Variants in OSBPL2 observed in about 807,000 individuals in gnomAD.
OSBPL2 encodes oxysterol binding protein like 2, also known as oxysterol-binding protein-related protein 2.
OSBPL2 carries 18 observed loss-of-function variants against 58.4 expected under a neutral mutation model. The observed-to-expected ratio is 0.31, with a 90% confidence interval of 0.21 to 0.46. OSBPL2 has a LOEUF of 0.46. Ranked by LOEUF, OSBPL2 falls within the 20% of genes least tolerant of loss-of-function variation. The pLI is 1.00. For missense variants in OSBPL2, 461 were observed against 616.5 expected, an observed-to-expected ratio of 0.75 and a Z score of 2.67; for synonymous variants, 221 against 234.1, an observed-to-expected ratio of 0.94 and a Z score of 0.51.
intron 11 of OSBPL2, among the ~76,000 whole-genome samples, chr20:62,287,694 A>C (rs1406371973): frequency 6.6e-6 from 1 of 152,172 alleles, no homozygotes; most frequent in African/African-American, 2.4e-5. Flanking sequence ...GGCCTCAAGC[A>C]TTATCTTCCT....
chr20:62,255,524 G>T (rs906318689), intron 1 of OSBPL2, among the ~76,000 whole-genome samples: 1 of 151,932 alleles, frequency 6.6e-6, no homozygotes, highest in Non-Finnish European at 1.5e-5. Context: ...TTTATTTCGA[G>T]ACAGAGTCTC....
chr20:62,279,035 G>C (rs1368825598), intron 6 of OSBPL2, 122 bp from the exon 7 acceptor site: 7 of 769,310 alleles, frequency 9.1e-6, no homozygotes, highest in African/African-American at 1.7e-5. Context: ...TCCGCCACAT[G>C]TTGTGGCATG....
intron 9 of OSBPL2, among the ~76,000 whole-genome samples, chr20:62,282,418 T>C (rs1048735171): frequency 6.6e-6 from 1 of 152,262 alleles, no homozygotes; most frequent in Non-Finnish European, 1.5e-5. Flanking sequence ...TTTGGGTTAA[T>C]TACTTTGTAA....
At chr20:62,279,080 T>C (rs1310212701) in intron 6 of OSBPL2, 77 bp from the exon 7 acceptor site, 1 of 1,280,650 alleles carries the variant, frequency 7.8e-7, no homozygotes, top group East Asian at 2.3e-5. Context: ...TGTGAGGGGC[T>C]CCACATGATG....
intron 6 of OSBPL2, among the ~76,000 whole-genome samples, chr20:62,277,996 G>A (rs1334283109): frequency 3.3e-5 from 5 of 152,158 alleles, no homozygotes; most frequent in African/African-American, 9.7e-5. Flanking sequence ...CTGGGCAATG[G>A]GAGTCCCTCG....
intron 10 of OSBPL2, chr20:62,285,208 A>G (rs998921038): frequency 6.6e-6 from 1 of 152,168 alleles, no homozygotes; most frequent in African/African-American, 2.4e-5. Flanking sequence ...ACCCTCTTTT[A>G]TTTAAAAAGG....
chr20:62,277,452 G>A (rs1290245033), intron 6 of OSBPL2, among the ~76,000 whole-genome samples: 6 of 152,204 alleles, frequency 3.9e-5, no homozygotes, highest in Non-Finnish European at 8.8e-5. Flanking sequence ...CCTTCGCAAC[G>A]CCGAGACACG....
rs369665034 is a variant in OSBPL2 at position 62,253,450 on chromosome 20, C to G, written c.-128-2607C>G. 8.5e-5 allele frequency among the ~76,000 whole-genome samples: 13 copies of G among 152,324 alleles called. 1 individual carries two copies. Among genetic ancestry groups the G allele is most frequent in the East Asian group, 5.8e-4 (3 of 5,186 alleles). On this transcript the variant is annotated intron_variant, in intron 1 of 13. Transcript: ENST00000313733. The stretch of plus-strand genomic sequence containing the variant: ...CCATGTACTGGTGCTCAGATTGTCT[C>G]CTCTTTCTTGTGGGAGCTTCTGTAG...
chr20:62,285,100 T>G (rs1189714853), intron 10 of OSBPL2: 2 of 152,202 alleles, frequency 1.3e-5, no homozygotes, highest in African/African-American at 4.8e-5. Flanking sequence ...ACCTGAAATG[T>G]TCAATATTTA....
At chr20:62,258,953 G>T (rs1277536892) in intron 2 of OSBPL2, 2 of 152,236 alleles carry the variant, frequency 1.3e-5, no homozygotes, top group African/African-American at 2.4e-5. Context: ...ATCCACCCCA[G>T]CACTGCCTTT....
intron 7 of OSBPL2, chr20:62,280,020 GAC>G: frequency 7.7e-7 from 1 of 1,304,168 alleles, no homozygotes. Flanking sequence ...GTCAACCAAA[GAC>G]ACCTCAGAGC....
intron 3 of OSBPL2, among the ~76,000 whole-genome samples, 184 bp downstream of exon 3, chr20:62,260,309 TC>T (rs1344579822): frequency 1.3e-5 from 2 of 152,204 alleles, no homozygotes; most frequent in African/African-American, 4.8e-5. Flanking sequence ...TCCATGCCTC[TC>T]TTGGCTCCTG....
intron 1 of OSBPL2, among the ~76,000 whole-genome samples, chr20:62,247,090 C>G (rs1652005050): frequency 1.3e-5 from 2 of 152,184 alleles, no homozygotes; most frequent in African/African-American, 4.8e-5. Context: ...TTGGCCGGCC[C>G]CAGCCTGACC....
chr20:62,293,996 G>GTAATAAGTATAATTTAAAAATGTA lies in OSBPL2; in HGVS notation c.*110_*111insAATAAGTATAATTTAAAAATGTAT. On this transcript the variant is annotated 3_prime_UTR_variant, in exon 14 of 14. Transcript: ENST00000313733. The stretch of plus-strand genomic sequence containing the variant: ...AGAAACCAACTTTTCTAACGACTGA[G>GTAATAAGTATAATTTAAAAATGTA]TTCGCGGAGATAGCATCATCCCTGA... The GTAATAAGTATAATTTAAAAATGTA allele has an allele frequency of 7.1e-7, 1 of 1,418,308 alleles. No homozygotes were observed. 87.9% of individuals were successfully genotyped at this position (1,418,308 alleles called of 1,614,324 possible). A position where few individuals can be genotyped will look rare whatever the true frequency, so the allele number is the denominator to read the frequency against.
rs765494151 is a variant in OSBPL2 at position 62,293,815 on chromosome 20, T to C, written c.1371T>C (p.Thr457=). 6 of 1,614,006 alleles carry C rather than the reference T, an allele frequency of 3.7e-6. No individual in the cohort carries two copies. The East Asian group carries it at 8.9e-5, about 24-fold the overall frequency. ...TCTACCCAGGCAATAACCCCTACAC[T>C]GGGACCCCCGACTGGTTGTATGCAG... is the stretch of plus-strand genomic sequence containing the variant. ...RWFYPGNNPY[T]GTPDWLYAGD... Residue 457 remains threonine (T), a synonymous_variant, in exon 14 of 14, where the codon ACT becomes ACC. Coordinates refer to ENST00000313733, the MANE Select transcript of OSBPL2 (RefSeq NM_144498.4).
intron 3 of OSBPL2, among the ~76,000 whole-genome samples, chr20:62,262,334 CG>C (rs957767906): frequency 1.3e-5 from 2 of 152,224 alleles, no homozygotes; most frequent in African/African-American, 4.8e-5. Context: ...TTCAGGTCCT[CG>C]GGTGTGTCAG....
Position 62,288,631 on chromosome 20 carries a change from G to A in OSBPL2, c.1126-576G>A, listed in dbSNP as rs116148303. 4.9e-3 allele frequency among the ~76,000 whole-genome samples: 740 copies of A among 150,220 alleles called. 10 individuals carry two copies. Among genetic ancestry groups the A allele is most frequent in the African/African-American group, 0.018 (708 of 39,588 alleles). On this transcript the variant is annotated intron_variant, in intron 11 of 13. Coordinates refer to ENST00000313733, the MANE Select transcript of OSBPL2 (RefSeq NM_144498.4). This position sits in a 1 kb window ranked among gnomAD's most constrained non-coding sequence, Gnocchi z 4.8. The stretch of plus-strand genomic sequence containing the variant: ...AAGGCTGTGGGTGCAGGGTGCTGCC[G>A]CAGGCCTGCTCGGGTGTGCTGTCCA...
In OSBPL2 at chr20:62,269,109, C is replaced by T. The variant is rs562934230; in HGVS notation, c.259-3016C>T. Among the ~76,000 whole-genome samples the T allele has an allele frequency of 6.6e-6, 1 of 152,224 alleles. No individual in the cohort carries two copies. The highest frequency in any genetic ancestry group is 2.1e-4 in the South Asian group (1 of 4,814). On this transcript the variant is annotated intron_variant, in intron 4 of 13. Coordinates refer to ENST00000313733, the MANE Select transcript of OSBPL2 (RefSeq NM_144498.4). The surrounding 1 kb of genome is among the most constrained non-coding windows in gnomAD (Gnocchi z 4.2). ...AGAGACGGGGTCTCACTTTGTTGCC[C>T]AGGCTGGTCTTAAACTCCTGGCCTT...
At position 62,279,193 on chromosome 20, in the gene OSBPL2, C is replaced by T; in HGVS notation, c.528C>T (p.Val176=). The change falls in exon 7 of 14, where the codon GTC becomes GTT. Residue 176 remains valine (V), a synonymous_variant. Transcript: ENST00000313733. ...DLGFRFISEQ[V]SHHPPISAFH... Reference sequence around the variant, plus strand: ...GATTCAGATTTATATCGGAACAGGTCAGTCACCACCCCCCCATCAGTGCGT... The same window carrying T: ...GATTCAGATTTATATCGGAACAGGTTAGTCACCACCCCCCCATCAGTGCGT... The T allele has an allele frequency of 6.2e-7, 1 of 1,614,100 alleles. No homozygotes were observed. Among genetic ancestry groups the T allele is most frequent in the Admixed American group, 1.7e-5 (1 of 60,016 alleles).
Sources: allele counts gnomAD v4.1 joint callset (sites outside exome capture counted in the v4.1 genomes callset), GRCh38; gene constraint gnomAD v4.1.1; non-coding constraint Gnocchi (gnomAD v3.1); transcripts MANE v1.5; gene names NCBI Gene and HGNC (gene_info 2026-07-23, HGNC 2026-07-21).